GAB2: variants seen among roughly 807,000 people sequenced by gnomAD.
GAB2 encodes the protein GRB2-associated-binding protein 2.
Under a neutral mutation model 65.5 loss-of-function variants are expected in GAB2, and 26 were observed. That is an observed-to-expected ratio of 0.40 (90% CI 0.29 to 0.55). GAB2 has a LOEUF of 0.55. Among genes scored for constraint, GAB2 ranks in the 20% least tolerant of loss-of-function variants. The pLI, the probability that GAB2 is intolerant of heterozygous loss-of-function variation, is 0.53. For missense variants in GAB2, 884 were observed against 875.8 expected (o/e 1.01, Z -0.12); for synonymous variants, 321 against 329.6 (o/e 0.97, Z 0.28).
At chr11:78,307,604 T>TAGAGAGAGAGAGAGAGAGAGAGAC (rs1855392406) in intron 1 of GAB2, among the ~76,000 whole-genome samples, 3 of 121,938 alleles carry the variant, frequency 2.5e-5, no homozygotes, top group African/African-American at 7.3e-5. Context: ...CAAAAAATGT[T>TAGAGAGAGAGAGAGAGAGAGAGAC]AGAGAGAGAG....
rs114070327 is a variant in GAB2 at position 78,262,996 on chromosome 11, C to T, written c.377-12596G>A. Among the ~76,000 whole-genome samples the T allele has an allele frequency of 4.2e-3, 635 of 152,324 alleles. 2 individuals are homozygous for T. Among genetic ancestry groups the T allele is most frequent in the African/African-American group, 0.013 (561 of 41,566 alleles). Reference sequence around the variant, plus strand: ...CAACAGCAAAGCTGAGTAGTTGCTACAAAGTACAGATGACAAAGCCTAAAG... The same window carrying T: ...CAACAGCAAAGCTGAGTAGTTGCTATAAAGTACAGATGACAAAGCCTAAAG... On this transcript the variant is annotated intron_variant, in intron 2 of 9. Coordinates refer to ENST00000361507, the MANE Select transcript of GAB2 (RefSeq NM_080491.3).
intron 1 of GAB2, among the ~76,000 whole-genome samples, chr11:78,343,561 A>G (rs2458641): frequency 0.02 from 3,110 of 152,310 alleles, 37 homozygotes; most frequent in Non-Finnish European, 0.034. Context: ...TAGACATACT[A>G]CAATGCTGAT....
intron 2 of GAB2, among the ~76,000 whole-genome samples, chr11:78,251,663 C>A (rs1865459108): frequency 6.6e-6 from 1 of 152,212 alleles, no homozygotes; most frequent in African/African-American, 2.4e-5. Context: ...GATTTCACCT[C>A]TACTCTACTG....
intron 3 of GAB2, among the ~76,000 whole-genome samples, chr11:78,249,123 G>A (rs1403033156): frequency 2.0e-5 from 3 of 152,200 alleles, no homozygotes; most frequent in African/African-American, 7.2e-5. Context: ...AGTGAAAAGA[G>A]TACAGGACCA....
chr11:78,270,649 T>C (rs1230623191), intron 2 of GAB2, among the ~76,000 whole-genome samples: 1 of 152,218 alleles, frequency 6.6e-6, no homozygotes, highest in Non-Finnish European at 1.5e-5. Context: ...TAAATGAGAC[T>C]GCGTAAGTGT....
chr11:78,324,039 C>G (rs1476012899), intron 1 of GAB2, among the ~76,000 whole-genome samples: 1 of 151,894 alleles, frequency 6.6e-6, no homozygotes, highest in Non-Finnish European at 1.5e-5. Flanking sequence ...CTCAGGTGAT[C>G]TGCCCACCTT....
At chr11:78,296,044 T>C (rs1234649256) in intron 1 of GAB2, among the ~76,000 whole-genome samples, 1 of 152,226 alleles carries the variant, frequency 6.6e-6, no homozygotes, top group East Asian at 1.9e-4. Context: ...CATCAGGCAT[T>C]AGATTCTAAT....
At chr11:78,235,671 AAAC>A (rs1246433201) in intron 3 of GAB2, among the ~76,000 whole-genome samples, 1 of 152,212 alleles carries the variant, frequency 6.6e-6, no homozygotes, top group Admixed American at 6.5e-5. Flanking sequence ...GTCTCTGCTA[AAAC>A]AACAAGAGTC....
intron 3 of GAB2, among the ~76,000 whole-genome samples, chr11:78,239,215 TA>T (rs1865064882): frequency 6.6e-6 from 1 of 152,136 alleles, no homozygotes; most frequent in African/African-American, 2.4e-5. Flanking sequence ...AATTTTAATT[TA>T]ATTTAATTTT....
intron 1 of GAB2, among the ~76,000 whole-genome samples, chr11:78,309,856 CAG>C (rs899719390): frequency 8.0e-5 from 12 of 150,824 alleles, no homozygotes; most frequent in African/African-American, 2.9e-4. Context: ...TCAAGGGTGG[CAG>C]AGAGAGGTGT....
At chr11:78,235,215 C>G (rs866689713) in intron 3 of GAB2, among the ~76,000 whole-genome samples, 1 of 151,842 alleles carries the variant, frequency 6.6e-6, no homozygotes, top group African/African-American at 2.4e-5. Flanking sequence ...TGCAGTGGCA[C>G]GATCTCGGCT....
At chr11:78,326,119 T>C (rs1855818286) in intron 1 of GAB2, among the ~76,000 whole-genome samples, 1 of 152,246 alleles carries the variant, frequency 6.6e-6, no homozygotes, top group African/African-American at 2.4e-5. Flanking sequence ...TAGTAAAGCA[T>C]CATAGTATAT....
At chr11:78,245,319 T>C (rs542736184) in intron 3 of GAB2, among the ~76,000 whole-genome samples, 42 of 146,920 alleles carry the variant, frequency 2.9e-4, no homozygotes, top group Non-Finnish European at 5.7e-4. Context: ...CTACAATTTT[T>C]GAAAAGAAAA....
chr11:78,313,401 C>T (rs1855540029), intron 1 of GAB2, among the ~76,000 whole-genome samples: 1 of 152,122 alleles, frequency 6.6e-6, no homozygotes, highest in Admixed American at 6.5e-5. Flanking sequence ...CCTTTACTTC[C>T]CCTCCTGGCT....
At chr11:78,255,334 T>G (rs1443247527) in intron 2 of GAB2, among the ~76,000 whole-genome samples, 1 of 152,144 alleles carries the variant, frequency 6.6e-6, no homozygotes, top group East Asian at 1.9e-4. Flanking sequence ...AGAGAGTAAA[T>G]TTTTGTTGTT....
intron 1 of GAB2, among the ~76,000 whole-genome samples, chr11:78,311,399 T>C (rs994032592): frequency 2.0e-5 from 3 of 150,054 alleles, no homozygotes; most frequent in Admixed American, 2.0e-4. Context: ...AATATAAAGG[T>C]TGTTTTTTTT....
At chr11:78,260,087 T>C (rs1865690569) in intron 2 of GAB2, among the ~76,000 whole-genome samples, 3 of 152,166 alleles carry the variant, frequency 2.0e-5, no homozygotes, top group Admixed American at 2.0e-4. Context: ...TTCAGAAATA[T>C]AAGTTTCCTA....
intron 1 of GAB2, among the ~76,000 whole-genome samples, chr11:78,308,980 C>T (rs1231871065): frequency 6.6e-6 from 1 of 152,062 alleles, no homozygotes; most frequent in South Asian, 2.1e-4. Flanking sequence ...AGTCTAGAGA[C>T]AGGAAGAGAA....
At chr11:78,246,102 T>C (rs1865289727) in intron 3 of GAB2, among the ~76,000 whole-genome samples, 1 of 151,862 alleles carries the variant, frequency 6.6e-6, no homozygotes, top group Non-Finnish European at 1.5e-5. Flanking sequence ...GCTAATTTTT[T>C]TGTATTTTTA....
Sources: allele counts gnomAD v4.1 joint callset (sites outside exome capture counted in the v4.1 genomes callset), GRCh38; gene constraint gnomAD v4.1.1; transcripts MANE v1.5; gene names NCBI Gene and HGNC (gene_info 2026-07-23, HGNC 2026-07-21).